Variants in OPCML observed in about 807,000 individuals in gnomAD.
OPCML encodes the protein opioid binding protein/cell adhesion molecule like.
In OPCML, 13 loss-of-function variants were observed where a neutral mutation model predicts 37.8. The ratio of observed to expected loss-of-function variants is 0.34; its 90% CI spans 0.22 to 0.55. OPCML has a LOEUF of 0.55. Among genes scored for constraint, OPCML ranks in the 20% least tolerant of loss-of-function variants. The pLI is 0.91. For missense variants in OPCML, 341 were observed against 435.6 expected (o/e 0.78, Z 1.93); for synonymous variants, 176 against 168.8 (o/e 1.04, Z -0.33).
At chr11:132,575,421 T>C (rs11223134) in intron 3 of OPCML, among the ~76,000 whole-genome samples, 1 of 151,968 alleles carries the variant, frequency 6.6e-6, no homozygotes, top group Non-Finnish European at 1.5e-5. Flanking sequence ...AGTTCTATAA[T>C]TTAATTTTTT....
intron 1 of OPCML, among the ~76,000 whole-genome samples, chr11:133,162,806 A>G (rs2137221918): frequency 6.6e-6 from 1 of 152,360 alleles, no homozygotes. Context: ...CAGAAATCCC[A>G]GATGAATCTA....
At chr11:133,157,833 C>A (rs1950083332) in intron 1 of OPCML, among the ~76,000 whole-genome samples, 1 of 152,194 alleles carries the variant, frequency 6.6e-6, no homozygotes, top group African/African-American at 2.4e-5. Flanking sequence ...AGACCCCATA[C>A]TACCTCCTCT....
chr11:133,124,242 G>A (rs1949465396), intron 1 of OPCML, among the ~76,000 whole-genome samples: 2 of 152,248 alleles, frequency 1.3e-5, no homozygotes, highest in East Asian at 3.9e-4. Flanking sequence ...TTTCCCTGAA[G>A]GTGAAGGTTA....
intron 1 of OPCML, among the ~76,000 whole-genome samples, chr11:133,210,684 T>A (rs1251109148): frequency 6.6e-6 from 1 of 151,976 alleles, no homozygotes; most frequent in Non-Finnish European, 1.5e-5. Context: ...ACATGGCTAT[T>A]TTTTTTTCTT....
chr11:132,822,752 C>G (rs140554341), intron 2 of OPCML, among the ~76,000 whole-genome samples: 45 of 152,200 alleles, frequency 3.0e-4, no homozygotes, highest in Non-Finnish European at 3.1e-4. Context: ...TATGTTCACA[C>G]CCACAGCTCA....
At chr11:132,557,558 G>A (rs896239032) in intron 3 of OPCML, among the ~76,000 whole-genome samples, 10 of 152,106 alleles carry the variant, frequency 6.6e-5, no homozygotes, top group South Asian at 2.1e-4. Context: ...TTTGAATCCC[G>A]TCCTTTCCTT....
chr11:132,581,392 C>G (rs2096461730), intron 3 of OPCML, among the ~76,000 whole-genome samples: 1 of 152,200 alleles, frequency 6.6e-6, no homozygotes, highest in African/African-American at 2.4e-5. Context: ...CTATAGGTGT[C>G]AGGCTAACTG....
intron 1 of OPCML, among the ~76,000 whole-genome samples, chr11:133,105,335 G>C (rs753338295): frequency 9.9e-5 from 15 of 152,168 alleles, no homozygotes; most frequent in Non-Finnish European, 1.3e-4. Context: ...AGGTTATGCA[G>C]TGTAAACAAG....
intron 2 of OPCML, among the ~76,000 whole-genome samples, chr11:132,767,622 G>A (rs927482707): frequency 6.6e-6 from 1 of 152,110 alleles, no homozygotes; most frequent in Non-Finnish European, 1.5e-5. Context: ...TTTACTAGTT[G>A]AGCCATATGC....
At chr11:132,598,232 C>A (rs774044881) in intron 3 of OPCML, among the ~76,000 whole-genome samples, 1 of 152,174 alleles carries the variant, frequency 6.6e-6, no homozygotes, top group African/African-American at 2.4e-5. Flanking sequence ...CAACCTCTTT[C>A]CTAACATCTA....
intron 1 of OPCML, among the ~76,000 whole-genome samples, chr11:133,223,064 C>A (rs1355856577): frequency 1.3e-5 from 2 of 152,220 alleles, no homozygotes; most frequent in African/African-American, 2.4e-5. Context: ...AGCCCTCACC[C>A]CAACCAGTTC....
chr11:133,099,125 T>C lies in OPCML; in HGVS notation c.62-156115A>G, dbSNP rs181577524. ...AATATGATAACATATACAAGACCTATGTGAAGAAAACTACCAAATTCCATA... is the reference window on the plus strand; with the variant it reads ...AATATGATAACATATACAAGACCTACGTGAAGAAAACTACCAAATTCCATA... On this transcript the variant is annotated intron_variant, in intron 1 of 7. Coordinates refer to ENST00000524381, the MANE Select transcript of OPCML (RefSeq NM_001012393.5). Among the ~76,000 whole-genome samples, 356 of 152,204 alleles carry C rather than the reference T, an allele frequency of 2.3e-3. 1 individual carries two copies. Among genetic ancestry groups the C allele is most frequent in the African/African-American group, 8.2e-3 (341 of 41,540 alleles).
chr11:132,749,286 T>C (rs181874407), intron 2 of OPCML, among the ~76,000 whole-genome samples: 3 of 152,346 alleles, frequency 2.0e-5, no homozygotes, highest in Admixed American at 1.3e-4. Context: ...TATGGCACTT[T>C]CTTACAGTAG....
chr11:133,234,495 G>T (rs1355802314), intron 1 of OPCML, among the ~76,000 whole-genome samples: 1 of 152,258 alleles, frequency 6.6e-6, no homozygotes, highest in Non-Finnish European at 1.5e-5. Context: ...AAGGCGAATG[G>T]CCAGGGTCTT....
At chr11:133,423,106 G>A in intron 1 of OPCML, 1 of 985,350 alleles carries the variant, frequency 1.0e-6, no homozygotes. Context: ...TGAGAAATGG[G>A]CTTCTATTTG....
intron 3 of OPCML, among the ~76,000 whole-genome samples, chr11:132,654,920 C>A (rs953660940): frequency 2.0e-5 from 3 of 150,156 alleles, no homozygotes; most frequent in Non-Finnish European, 2.9e-5. Flanking sequence ...GCCTGGAATG[C>A]GGAGACTGAG....
At chr11:132,608,265 T>C (rs1407013177) in intron 3 of OPCML, among the ~76,000 whole-genome samples, 2 of 152,222 alleles carry the variant, frequency 1.3e-5, no homozygotes, top group Admixed American at 6.5e-5. Flanking sequence ...TAAGCCATTA[T>C]GGATCCCTGT....
At position 133,174,303 on chromosome 11, in the gene OPCML, A is replaced by G. The variant is rs1950334307; in HGVS notation, c.62-231293T>C. Among the ~76,000 whole-genome samples, 1 of 152,162 alleles carries G rather than the reference A, an allele frequency of 6.6e-6. No individual in the cohort carries two copies. Among genetic ancestry groups the G allele is most frequent in the South Asian group, 2.1e-4 (1 of 4,834 alleles). ...AAACGTAGAGACCTGGAGAGAGAGG[A>G]CAGGGGCCTCGCATGAACCTAGGTT... On this transcript the variant is annotated intron_variant, in intron 1 of 7. Transcript: ENST00000524381. The surrounding 1 kb of genome is among the most constrained non-coding windows in gnomAD (Gnocchi z 4.6).
At chr11:133,077,381 A>G (rs1948638851) in intron 1 of OPCML, among the ~76,000 whole-genome samples, 1 of 152,078 alleles carries the variant, frequency 6.6e-6, no homozygotes, top group Non-Finnish European at 1.5e-5. Context: ...GTGGAAAGCA[A>G]TCTGAAATCA....
Sources: allele counts gnomAD v4.1 joint callset (sites outside exome capture counted in the v4.1 genomes callset), GRCh38; gene constraint gnomAD v4.1.1; non-coding constraint Gnocchi (gnomAD v3.1); transcripts MANE v1.5; gene names NCBI Gene and HGNC (gene_info 2026-07-23, HGNC 2026-07-21).